Variants in FRMD6 observed in about 807,000 individuals in gnomAD.
The protein encoded by FRMD6 is FERM domain-containing protein 6.
In FRMD6, 37 loss-of-function variants were observed where a neutral mutation model predicts 73.2. The observed-to-expected ratio is 0.51, with a 90% CI of 0.39 to 0.66. The LOEUF is 0.66. Ranked by LOEUF, FRMD6 falls within the 30% of genes least tolerant of loss-of-function variation. The probability of loss-of-function intolerance (pLI) is 0.00; values close to 1 mark genes in which losing one functional copy is unlikely to be tolerated. For missense variants in FRMD6, 714 were observed against 780.5 expected (o/e 0.91, Z 1.02); for synonymous variants, 273 against 282.2 (o/e 0.97, Z 0.33).
At chr14:51,433,559 A>G in the FRMD6 span, among the ~76,000 whole-genome samples, 1 of 152,252 alleles carries the variant, frequency 6.6e-6, no homozygotes, top group Admixed American at 6.5e-5. Context: ...ATTTACATAT[A>G]GCTTCACTAA....
At chr14:51,685,891 G>A (rs1047786880) in intron 1 of FRMD6, among the ~76,000 whole-genome samples, 8 of 152,208 alleles carry the variant, frequency 5.3e-5, no homozygotes, top group African/African-American at 1.7e-4. Flanking sequence ...CTGTATAAAT[G>A]TGTGATGATT....
intron 3 of FRMD6, among the ~76,000 whole-genome samples, chr14:51,698,541 G>C (rs1321581837): frequency 2.0e-5 from 3 of 151,908 alleles, no homozygotes; most frequent in Admixed American, 6.6e-5. Context: ...CTTGATTTTT[G>C]TTTCCTTGCA....
the FRMD6 span, among the ~76,000 whole-genome samples, chr14:51,450,169 A>C: frequency 1.3e-5 from 2 of 152,218 alleles, no homozygotes; most frequent in African/African-American, 4.8e-5. Flanking sequence ...AGGTAAGAAG[A>C]AAATGAGATA....
chr14:51,538,502 T>C (rs763208986), intron 1 of FRMD6, among the ~76,000 whole-genome samples: 4 of 152,224 alleles, frequency 2.6e-5, no homozygotes, highest in Admixed American at 1.3e-4. Context: ...TTTACTCCTG[T>C]TTTCTTCTGA....
At chr14:51,550,780 C>T (rs551637006) in intron 1 of FRMD6, among the ~76,000 whole-genome samples, 17 of 152,290 alleles carry the variant, frequency 1.1e-4, no homozygotes, top group African/African-American at 2.9e-4. Context: ...TTGTACAGTG[C>T]GTGACAGGGA....
At chr14:51,644,844 G>A (rs1225531587) in intron 2 of FRMD6, among the ~76,000 whole-genome samples, 1 of 152,184 alleles carries the variant, frequency 6.6e-6, no homozygotes, top group East Asian at 1.9e-4. Flanking sequence ...ATATAAAAAT[G>A]TTTTTACAAG....
intron 2 of FRMD6, among the ~76,000 whole-genome samples, chr14:51,583,643 T>C (rs558214498): frequency 1.3e-5 from 2 of 152,306 alleles, no homozygotes; most frequent in East Asian, 3.9e-4. Context: ...CACAGAAAGG[T>C]TAACTAACCA....
intron 2 of FRMD6, among the ~76,000 whole-genome samples, chr14:51,690,858 T>G (rs2140365202): frequency 6.6e-6 from 1 of 152,274 alleles, no homozygotes; most frequent in South Asian, 2.1e-4. Flanking sequence ...TGATTTTTTT[T>G]TAACTTTAAA....
the FRMD6 span, among the ~76,000 whole-genome samples, chr14:51,433,853 C>T: frequency 6.6e-6 from 1 of 152,190 alleles, no homozygotes; most frequent in African/African-American, 2.4e-5. Flanking sequence ...CCAAATAGAA[C>T]ACAACAGTAA....
the FRMD6 span, among the ~76,000 whole-genome samples, chr14:51,423,613 A>G: frequency 6.6e-6 from 1 of 151,846 alleles, no homozygotes; most frequent in African/African-American, 2.4e-5. Flanking sequence ...CCTGTCCCAT[A>G]CTCTTCTAGA....
At position 51,575,755 on chromosome 14, in the gene FRMD6, A is replaced by C. The variant is rs369531726; in HGVS notation, c.-147+5345A>C. ...TGTTTCTGCCTTGTTTTACGTTTGCAGATGGCTGGAACTCTCCGTGTCTCC... is the reference window on the plus strand; with the variant it reads ...TGTTTCTGCCTTGTTTTACGTTTGCCGATGGCTGGAACTCTCCGTGTCTCC... On this transcript the variant is annotated intron_variant, in intron 2 of 14. Transcript: ENST00000356218. 5 of 152,366 alleles carry C rather than the reference A, an allele frequency of 3.3e-5. No homozygotes were observed. In the South Asian group the frequency reaches 1.0e-3, roughly 32 times the overall value. The allele number at this position is 152,366 out of a possible 1,614,324, so 9.4% of individuals were successfully genotyped here.
intron 1 of FRMD6, 60 bp from the exon 2 acceptor site, chr14:51,689,631 C>T (rs1479077837): frequency 2.4e-5 from 14 of 571,968 alleles, no homozygotes; most frequent in East Asian, 8.7e-5. Context: ...ATCTTCCTGA[C>T]GCGCTCTTCG....
chr14:51,478,510 A>C, the FRMD6 span, among the ~76,000 whole-genome samples: 3 of 152,218 alleles, frequency 2.0e-5, no homozygotes, highest in African/African-American at 7.2e-5. Flanking sequence ...CCAATGTAAA[A>C]ATTTTGAAAT....
At chr14:51,691,012 A>AC (rs753885551) in intron 2 of FRMD6, among the ~76,000 whole-genome samples, 21 of 152,234 alleles carry the variant, frequency 1.4e-4, no homozygotes, top group Non-Finnish European at 2.5e-4. Context: ...GTCCTTTGTG[A>AC]CCCCTCCTAG....
intron 1 of FRMD6, among the ~76,000 whole-genome samples, chr14:51,672,237 T>C (rs1280655805): frequency 6.6e-6 from 1 of 152,210 alleles, no homozygotes; most frequent in Non-Finnish European, 1.5e-5. Context: ...AGCCAAAGAA[T>C]TGTAGCATCT....
chr14:51,617,819 A>C (rs1369171711), intron 2 of FRMD6, among the ~76,000 whole-genome samples: 1 of 152,166 alleles, frequency 6.6e-6, no homozygotes, highest in East Asian at 1.9e-4. Context: ...AACCTGTTTC[A>C]CTATCTGTAG....
intron 1 of FRMD6, among the ~76,000 whole-genome samples, chr14:51,675,352 A>G (rs776014986): frequency 7.9e-5 from 12 of 152,142 alleles, no homozygotes; most frequent in Non-Finnish European, 1.8e-4. Context: ...CACGTTGGCT[A>G]AAGATTTGAT....
At chr14:51,559,073 C>T (rs1887324857) in intron 1 of FRMD6, among the ~76,000 whole-genome samples, 1 of 152,058 alleles carries the variant, frequency 6.6e-6, no homozygotes, top group Admixed American at 6.5e-5. Flanking sequence ...ATTTTGTTGC[C>T]ACATTTCTTA....
upstream of FRMD6, among the ~76,000 whole-genome samples, chr14:51,487,758 C>T (rs1161686745): frequency 6.6e-6 from 1 of 152,190 alleles, no homozygotes; most frequent in Non-Finnish European, 1.5e-5. Flanking sequence ...CAGGCTTAGC[C>T]TTGAAACACA....
Sources: gnomAD v4.1 joint callset for allele counts (sites outside exome capture counted in the v4.1 genomes callset) on GRCh38, gnomAD v4.1.1 for gene constraint, MANE v1.5 for transcripts, NCBI Gene and HGNC (gene_info 2026-07-23, HGNC 2026-07-21) for gene names.